Variants in RFX1 observed in about 807,000 individuals in gnomAD.
The protein encoded by RFX1 is MHC class II regulatory factor RFX1.
Under a neutral mutation model 119.6 loss-of-function variants are expected in RFX1, and 42 were observed. That is an observed-to-expected ratio of 0.35 (90% confidence interval 0.27 to 0.45). RFX1 has a LOEUF of 0.45. RFX1 is among the 20% of genes least tolerant of loss of function. The probability of loss-of-function intolerance (pLI) is 1.00; values close to 1 mark genes in which losing one functional copy is unlikely to be tolerated. For missense variants in RFX1, 1,118 were observed against 1,368.1 expected, an observed-to-expected ratio of 0.82 and a Z score of 2.88; for synonymous variants, 628 against 618.5, an observed-to-expected ratio of 1.02 and a Z score of -0.23.
Position 13,963,006 on chromosome 19 carries a change from C to A in RFX1, c.2758G>T (p.Asp920Tyr). 1 of 1,552,318 alleles carries A rather than the reference C, an allele frequency of 6.4e-7. No individual in the cohort carries two copies. The highest frequency in any genetic ancestry group is 8.7e-7 in the Non-Finnish European group (1 of 1,147,456). ...ACGCCTCGCCTACCTTTGTCGGGGTCCAGGGGGTTCAGGGAGGTGGCCAGA... is the reference window on the plus strand; with the variant it reads ...ACGCCTCGCCTACCTTTGTCGGGGTACAGGGGGTTCAGGGAGGTGGCCAGA... ...ANLATSLNPL[D>Y]PDKDEEEEEE... is the part of the protein sequence containing the mutation. Residue 920 changes from aspartate to tyrosine, a missense_variant, in exon 20 of 21, where the codon GAC (aspartate) becomes TAC (tyrosine). By Grantham distance (160) the Asp-to-Tyr change is radical. Coordinates refer to ENST00000254325, the MANE Select transcript of RFX1 (RefSeq NM_002918.5).
chr19:13,999,936 A>G (rs574429232), intron 1 of RFX1, among the ~76,000 whole-genome samples: 1 of 152,200 alleles, frequency 6.6e-6, no homozygotes, highest in South Asian at 2.1e-4. Context: ...TTGGCCTCCC[A>G]AAGTGCTGGG....
intron 1 of RFX1, among the ~76,000 whole-genome samples, chr19:13,998,474 A>G (rs917595043): frequency 2.0e-5 from 3 of 151,666 alleles, no homozygotes; most frequent in African/African-American, 7.3e-5. Flanking sequence ...ACTGGGTGAC[A>G]GAGCAAGACT....
In RFX1 at chr19:13,969,036, C is replaced by T; in HGVS notation, c.1497-142G>A. 1 of 920,766 alleles carries T rather than the reference C, an allele frequency of 1.1e-6. No homozygotes were observed. The highest frequency in any genetic ancestry group is 1.6e-6 in the Non-Finnish European group (1 of 624,430). 57.0% of individuals were successfully genotyped at this position (920,766 alleles called of 1,614,324 possible). A position where few individuals can be genotyped will look rare whatever the true frequency, so the allele number is the denominator to read the frequency against. On this transcript the variant is annotated intron_variant, in intron 10 of 20. Coordinates refer to ENST00000254325, the MANE Select transcript of RFX1 (RefSeq NM_002918.5). The surrounding 1 kb of genome is among the most constrained non-coding windows in gnomAD (Gnocchi z 4.5). ...GCCCTGCAGAGACGGGGGTGCTGCA[C>T]TGAGGAGGCACAGGGGCTGTGGGTG...
At chr19:14,002,399 T>G (rs1021364020) in intron 1 of RFX1, among the ~76,000 whole-genome samples, 1 of 147,096 alleles carries the variant, frequency 6.8e-6, no homozygotes, top group East Asian at 2.0e-4. Flanking sequence ...GCAGGAGAAT[T>G]GCTTGAACTG....
intron 6 of RFX1, 89 bp from the exon 7 acceptor site, chr19:13,979,631 T>G: frequency 1.2e-6 from 1 of 849,736 alleles, no homozygotes; most frequent in South Asian, 2.0e-5. Context: ...TCTGTAAAGC[T>G]CACAGCAGAC....
In RFX1 at chr19:13,963,870, G is replaced by C. The variant is rs372349612; in HGVS notation, c.2349C>G (p.Phe783Leu). Reference protein sequence around the residue: ...QMLSDLNRVDFANVQEQASWV... With the variant: ...QMLSDLNRVDLANVQEQASWV... ...GCCCCGCGCTCACCTGCACGTTGGC[G>C]AAGTCCACGCGGTTGAGGTCGCTCA... The change falls in exon 17 of 21, where the codon TTC becomes TTG. Residue 783 changes from phenylalanine (F) to leucine (L), a missense_variant. Coordinates refer to ENST00000254325, the MANE Select transcript of RFX1 (RefSeq NM_002918.5). The C allele has an allele frequency of 6.5e-7, 1 of 1,545,952 alleles. No homozygotes were observed.
Position 13,972,777 on chromosome 19 carries a change from G to A in RFX1, c.1280C>T (p.Ser427Phe), listed in dbSNP as rs1398904642. 2 of 1,606,970 alleles carry A rather than the reference G, an allele frequency of 1.2e-6. No homozygotes were observed. Among genetic ancestry groups the A allele is most frequent in the Non-Finnish European group, 1.7e-6 (2 of 1,176,718 alleles). ...GGYMLGSASQ[S>F]YSHTTRASPA... is the part of the protein sequence containing the mutation. Reference sequence around the variant, plus strand: ...CGAGGCACGGGTGGTGTGAGAGTAAGACTGGCTGGCACTGCCCAGCATGTA... The same window carrying A: ...CGAGGCACGGGTGGTGTGAGAGTAAAACTGGCTGGCACTGCCCAGCATGTA... The change falls in exon 9 of 21, where the codon TCT becomes TTT. Residue 427 changes from serine (S) to phenylalanine (F), a missense_variant. Ser to Phe is a radical substitution (Grantham distance 155). Around this residue, in one of 5 missense-constraint regions of RFX1, gnomAD observed 542 missense variants for 602.7 expected, o/e 0.90. Coordinates refer to ENST00000254325, the MANE Select transcript of RFX1 (RefSeq NM_002918.5).
intron 2 of RFX1, among the ~76,000 whole-genome samples, chr19:13,989,489 G>C (rs2145610615): frequency 6.6e-6 from 1 of 152,230 alleles, no homozygotes; most frequent in South Asian, 2.1e-4. Flanking sequence ...TCCTGCCTCA[G>C]CCTCCCAAGT....
Position 13,968,830 on chromosome 19 carries a change from T to A in RFX1, c.1561A>T (p.Met521Leu), listed in dbSNP as rs1357779458. 6.4e-7 allele frequency: 1 copy of A among 1,558,808 alleles called. No individual in the cohort carries two copies. Among genetic ancestry groups the A allele is most frequent in the Non-Finnish European group, 8.7e-7 (1 of 1,151,368 alleles). ...ATGGCCATGTGCTGCTGGTCCTCCA[T>A]CAGCCGCAGCAGGGGTGAGCTGGCC... is the stretch of plus-strand genomic sequence containing the variant. The part of the protein sequence containing the change: ...IKASSPLLRL[M>L]EDQQHMAMRG... Residue 521 changes from methionine (M) to leucine (L), a missense_variant, in exon 11 of 21, where the codon ATG becomes TTG. Met to Leu is a conservative substitution (Grantham distance 15, BLOSUM62 2). Coordinates refer to ENST00000254325, the MANE Select transcript of RFX1 (RefSeq NM_002918.5). This position sits in a 1 kb window ranked among gnomAD's most constrained non-coding sequence, Gnocchi z 5.5.
rs751081525 is a variant in RFX1, at chr19:13,966,380, C to T, written c.1961+41G>A. The stretch of plus-strand genomic sequence containing the variant: ...CAAAATCACCTGCGGGTCATGCCCT[C>T]CTCCCCCCTCTCCCTCCCACAGTCG... On this transcript the variant is annotated intron_variant, in intron 14 of 20. Transcript: ENST00000254325. This position sits in a 1 kb window ranked among gnomAD's most constrained non-coding sequence, Gnocchi z 6.3. The T allele has an allele frequency of 3.7e-6, 5 of 1,347,038 alleles. No individual in the cohort carries two copies. The highest frequency in any genetic ancestry group is 5.3e-6 in the Non-Finnish European group (5 of 939,428). 83.4% of individuals were successfully genotyped at this position (1,347,038 alleles called of 1,614,324 possible). A position where few individuals can be genotyped will look rare whatever the true frequency, so the allele number is the denominator to read the frequency against.
chr19:13,961,858 C>G lies in RFX1; in HGVS notation c.*837G>C, dbSNP rs115649319. The G allele has an allele frequency of 1.3e-5, 2 of 152,334 alleles. No individual in the cohort carries two copies. Among genetic ancestry groups the G allele is most frequent in the African/African-American group, 4.8e-5 (2 of 41,470 alleles). The allele number at this position is 152,334 out of a possible 1,614,324, so 9.4% of individuals were successfully genotyped here. On this transcript the variant is annotated 3_prime_UTR_variant, in exon 21 of 21. Coordinates refer to ENST00000254325, the MANE Select transcript of RFX1 (RefSeq NM_002918.5). Reference sequence around the variant, plus strand: ...AACCCAACAAGTTACCAACTCCGCTCGGGCGGCGCTCACGAATCGCACAAT... The same window carrying G: ...AACCCAACAAGTTACCAACTCCGCTGGGGCGGCGCTCACGAATCGCACAAT...
chr19:13,968,798 GC>G lies in RFX1; in HGVS notation c.1592del (p.Gly531AlafsTer19), dbSNP rs1293648989. The part of the protein sequence containing the change: ...MEDQQHMAMR[G>X]QPFSQKQRLK... ...ACCTCTGCTTCTGCGAGAAGGGCTG[GC>G]CCCGCATGGCCATGTGCTGCTGGTC... On this transcript the variant is annotated frameshift_variant, in exon 11 of 21. Coordinates refer to ENST00000254325, the MANE Select transcript of RFX1 (RefSeq NM_002918.5). LOFTEE classifies it high-confidence loss of function. The surrounding 1 kb of genome is among the most constrained non-coding windows in gnomAD (Gnocchi z 5.5). 6.3e-7 allele frequency: 1 copy of G among 1,576,922 alleles called. No homozygotes were observed. The highest frequency in any genetic ancestry group is 1.3e-5 in the African/African-American group (1 of 74,148).
chr19:13,963,759 G>C lies in RFX1; in HGVS notation c.2362-13C>G, dbSNP rs760146920. 3.9e-6 allele frequency: 6 copies of C among 1,549,034 alleles called. No homozygotes were observed. Among genetic ancestry groups the C allele is most frequent in the Admixed American group, 3.8e-5 (2 of 53,154 alleles). ...ACGAGGCCTGCTCCTGGGGCACAGA[G>C]GGTGGGCGGGCGCCCGGGGCTCAGC... On this transcript the variant is annotated splice_polypyrimidine_tract_variant and intron_variant, in intron 17 of 20. Transcript: ENST00000254325.
At chr19:13,978,173 A>G in intron 7 of RFX1, 87 bp from the exon 8 acceptor site, 1 of 954,828 alleles carries the variant, frequency 1.0e-6, no homozygotes, top group Admixed American at 2.1e-5. Context: ...CACCCAGGCT[A>G]TCCCTGACGC....
At chr19:13,998,646 G>A (rs970343144) in intron 1 of RFX1, among the ~76,000 whole-genome samples, 9 of 152,150 alleles carry the variant, frequency 5.9e-5, no homozygotes, top group Admixed American at 1.3e-4. Context: ...ACACCAAGAG[G>A]AAATCCAACC....
rs1424686139 is a variant in RFX1, at chr19:13,962,417, G to A, written c.*278C>T. ...GAGAAGACGCTGGGGCCTGGGAGGG[G>A]GGCGGCCAAGGGGCCGAGCTGGATG... On this transcript the variant is annotated 3_prime_UTR_variant, in exon 21 of 21. Transcript: ENST00000254325. 2.1e-6 allele frequency: 1 copy of A among 481,498 alleles called. No homozygotes were observed. The highest frequency in any genetic ancestry group is 4.1e-5 in the Admixed American group (1 of 24,566). The allele number at this position is 481,498 out of a possible 1,614,324, so 29.8% of individuals were successfully genotyped here.
chr19:13,974,000 T>C (rs1007027238), intron 8 of RFX1, among the ~76,000 whole-genome samples: 1 of 151,748 alleles, frequency 6.6e-6, no homozygotes, highest in African/African-American at 2.4e-5. Context: ...TGCTACACAC[T>C]TCATTAAAAA....
chr19:13,983,099 G>C, intron 4 of RFX1, 88 bp downstream of exon 4: 2 of 1,037,512 alleles, frequency 1.9e-6, no homozygotes, highest in East Asian at 5.2e-5. Context: ...CTCCATCCTG[G>C]TGAGGACAGA....
rs750477562 is a variant in RFX1 at position 13,966,762 on chromosome 19, G to C, written c.1733-11C>G. 14 of 1,557,192 alleles carry C rather than the reference G, an allele frequency of 9.0e-6. No individual in the cohort carries two copies. The highest frequency in any genetic ancestry group is 1.1e-5 in the Non-Finnish European group (13 of 1,139,794). On this transcript the variant is annotated splice_polypyrimidine_tract_variant and intron_variant, in intron 12 of 20. Transcript: ENST00000254325. This position sits in a 1 kb window ranked among gnomAD's most constrained non-coding sequence, Gnocchi z 6.3. ...GGCTCCGAGAGGCATCTAGGGGGCCGGGGGGAACCGTGAGGCCCTTCATCC... is the reference window on the plus strand; with the variant it reads ...GGCTCCGAGAGGCATCTAGGGGGCCCGGGGGAACCGTGAGGCCCTTCATCC...
Sources: allele counts gnomAD v4.1 joint callset (sites outside exome capture counted in the v4.1 genomes callset), GRCh38; gene constraint gnomAD v4.1.1; regional missense constraint gnomAD v4.1.1; non-coding constraint Gnocchi (gnomAD v3.1); transcripts MANE v1.5; gene names NCBI Gene and HGNC (gene_info 2026-07-23, HGNC 2026-07-21).